Variants in GRIK4 observed in about 807,000 individuals in gnomAD.
GRIK4 encodes the protein glutamate ionotropic receptor kainate type subunit 4, also known as glutamate receptor ionotropic, kainate 4.
Under a neutral mutation model 104.9 loss-of-function variants are expected in GRIK4, and 40 were observed. The ratio of observed to expected loss-of-function variants is 0.38; its 90% CI spans 0.30 to 0.50. The LOEUF is 0.50. Among genes scored for constraint, GRIK4 ranks in the 20% least tolerant of loss-of-function variants. The pLI is 0.93. For missense variants in GRIK4, 1,047 were observed against 1,308.1 expected, an observed-to-expected ratio of 0.80 and a Z score of 3.08; for synonymous variants, 485 against 524.9, an observed-to-expected ratio of 0.92 and a Z score of 1.04.
Position 120,898,626 on chromosome 11 carries a change from T to C in GRIK4, c.1259T>C (p.Val420Ala). 6.2e-7 allele frequency: 1 copy of C among 1,601,018 alleles called. No homozygotes were observed. Among genetic ancestry groups the C allele is most frequent in the Non-Finnish European group, 8.6e-7 (1 of 1,168,096 alleles). The change falls in exon 12 of 21, where the codon GTC becomes GCC. Residue 420 changes from valine (V) to alanine (A), a missense_variant. Coordinates refer to ENST00000527524, the MANE Select transcript of GRIK4 (RefSeq NM_014619.5). Reference sequence around the variant, plus strand: ...ACTCTCTTCAACACCACCCTGGTCGTCACCACCATCCTGGTAAGTGGGCTC... The same window carrying C: ...ACTCTCTTCAACACCACCCTGGTCGCCACCACCATCCTGGTAAGTGGGCTC... ...SDTLFNTTLVVTTILENPYLM... is the reference protein window; with the variant it reads ...SDTLFNTTLVATTILENPYLM...
At chr11:120,797,732 T>A (rs1421609488) in intron 3 of GRIK4, among the ~76,000 whole-genome samples, 1 of 152,162 alleles carries the variant, frequency 6.6e-6, no homozygotes, top group African/African-American at 2.4e-5. Flanking sequence ...GGATTTTAGA[T>A]GTTAGTGAGT....
intron 3 of GRIK4, among the ~76,000 whole-genome samples, chr11:120,665,773 T>C (rs1481362709): frequency 6.6e-6 from 1 of 152,334 alleles, no homozygotes; most frequent in East Asian, 1.9e-4. Context: ...TGTGCTTATG[T>C]AAGGCTATCT....
chr11:120,799,334 G>A (rs1198141427), intron 3 of GRIK4, among the ~76,000 whole-genome samples: 2 of 152,164 alleles, frequency 1.3e-5, no homozygotes, highest in South Asian at 2.1e-4. Flanking sequence ...AGGGAGGAGG[G>A]GGAGTTACCT....
intron 3 of GRIK4, among the ~76,000 whole-genome samples, chr11:120,787,431 T>TA (rs1431792998): frequency 2.0e-5 from 3 of 151,168 alleles, no homozygotes; most frequent in East Asian, 4.0e-4. Context: ...GATGTTATTT[T>TA]ATTTTATTTT....
At chr11:120,676,652 C>A (rs891101600) in intron 3 of GRIK4, among the ~76,000 whole-genome samples, 6 of 152,212 alleles carry the variant, frequency 3.9e-5, no homozygotes, top group African/African-American at 1.4e-4. Flanking sequence ...AGCAAGAACT[C>A]ACTCACTGCA....
intron 11 of GRIK4, among the ~76,000 whole-genome samples, chr11:120,886,614 G>A (rs563913113): frequency 6.6e-6 from 1 of 152,288 alleles, no homozygotes; most frequent in East Asian, 1.9e-4. Flanking sequence ...GAACAAAAAT[G>A]GTTCGGTATT....
intron 8 of GRIK4, among the ~76,000 whole-genome samples, chr11:120,840,105 A>G (rs1276703251): frequency 6.6e-6 from 1 of 152,158 alleles, no homozygotes; most frequent in Non-Finnish European, 1.5e-5. Flanking sequence ...AGTCCAGGGA[A>G]GGGCCAGGTC....
At chr11:120,901,323 CCG>C (rs1326364376) in intron 12 of GRIK4, among the ~76,000 whole-genome samples, 2 of 10,736 alleles carry the variant, frequency 1.9e-4, no homozygotes, top group African/African-American at 1.3e-3. Flanking sequence ...CTGCATCCTG[CCG>C]CTCGCTGCAT....
intron 1 of GRIK4, among the ~76,000 whole-genome samples, chr11:120,627,848 A>C (rs1402631882): frequency 6.6e-6 from 1 of 152,242 alleles, no homozygotes; most frequent in Non-Finnish European, 1.5e-5. Context: ...TCTTCAAGTC[A>C]TAACATATTT....
chr11:120,601,939 T>A (rs1469199468), intron 1 of GRIK4, among the ~76,000 whole-genome samples: 1 of 152,148 alleles, frequency 6.6e-6, no homozygotes. Flanking sequence ...TCTTTTTAAA[T>A]GGGGAACCCT....
At chr11:120,822,510 A>C (rs376045498) in intron 6 of GRIK4, among the ~76,000 whole-genome samples, 2 of 152,224 alleles carry the variant, frequency 1.3e-5, no homozygotes, top group East Asian at 1.9e-4. Context: ...TGATGACCAA[A>C]GCAGTAGCCA....
Position 120,720,726 on chromosome 11 carries a change from G to A in GRIK4, c.82+60326G>A, listed in dbSNP as rs368108583. Reference sequence around the variant, plus strand: ...GGGGTTAGGGAGGAATAGGGAGGGAGGTAGATTTAAGAGTTTAGCTATATT... The same window carrying A: ...GGGGTTAGGGAGGAATAGGGAGGGAAGTAGATTTAAGAGTTTAGCTATATT... On this transcript the variant is annotated intron_variant, in intron 3 of 20. Transcript: ENST00000527524. Among the ~76,000 whole-genome samples, 107 of 152,110 alleles carry A rather than the reference G, an allele frequency of 7.0e-4. 1 individual carries two copies. The highest frequency in any genetic ancestry group is 1.9e-3 in the South Asian group (9 of 4,806).
At chr11:120,615,041 A>G (rs575301175) in intron 1 of GRIK4, among the ~76,000 whole-genome samples, 11 of 152,086 alleles carry the variant, frequency 7.2e-5, no homozygotes, top group African/African-American at 2.4e-4. Flanking sequence ...AACAAACAAA[A>G]ACCGTAAGCA....
intron 1 of GRIK4, among the ~76,000 whole-genome samples, chr11:120,512,298 C>T (rs1179497670): frequency 6.6e-6 from 1 of 151,776 alleles, no homozygotes; most frequent in African/African-American, 2.4e-5. Context: ...AGCCCCTTCC[C>T]AGCCTGGCGC....
intron 11 of GRIK4, among the ~76,000 whole-genome samples, chr11:120,887,672 G>A (rs1209098672): frequency 1.3e-5 from 2 of 152,240 alleles, no homozygotes; most frequent in African/African-American, 4.8e-5. Flanking sequence ...TATGTAGTAA[G>A]TGCCAATTTC....
At chr11:120,643,106 G>A (rs1435717858) in intron 1 of GRIK4, among the ~76,000 whole-genome samples, 1 of 152,146 alleles carries the variant, frequency 6.6e-6, no homozygotes, top group East Asian at 1.9e-4. Flanking sequence ...AAAGAACAAA[G>A]CAAACAAAAT....
intron 9 of GRIK4, chr11:120,871,794 AAGAGAGGGAGGGAGAG>A (rs1954617649): frequency 2.2e-6 from 1 of 456,276 alleles, no homozygotes; most frequent in Admixed American, 2.3e-5. Flanking sequence ...AAGCAGCAGC[AAGAGAGGGAGGGAGAG>A]AGAGAGGGAG....
At chr11:120,847,954 G>T (rs1591986488) in intron 8 of GRIK4, among the ~76,000 whole-genome samples, 2 of 152,224 alleles carry the variant, frequency 1.3e-5, no homozygotes, top group East Asian at 1.9e-4. Context: ...CCTAGGGCAG[G>T]AGCAGGGAGA....
intron 3 of GRIK4, among the ~76,000 whole-genome samples, chr11:120,716,477 C>T (rs1196415106): frequency 6.6e-6 from 1 of 152,174 alleles, no homozygotes. Context: ...CTCCTGACCT[C>T]AAGTGATCCA....
Sources: gnomAD v4.1 joint callset for allele counts (sites outside exome capture counted in the v4.1 genomes callset) on GRCh38, gnomAD v4.1.1 for gene constraint, MANE v1.5 for transcripts, NCBI Gene and HGNC (gene_info 2026-07-23, HGNC 2026-07-21) for gene names.